TSNAXIP1: variants seen among roughly 807,000 people sequenced by gnomAD.
TSNAXIP1 encodes translin-associated factor X-interacting protein 1.
Under a neutral mutation model 84.8 loss-of-function variants are expected in TSNAXIP1, and 89 were observed. That is an observed-to-expected ratio of 1.05 (90% CI 0.88 to 1.25). The LOEUF is 1.25. Ranked by LOEUF, TSNAXIP1 falls within the 50% of genes most tolerant of loss-of-function variation. TSNAXIP1 has a pLI of 0.00. For synonymous variants in TSNAXIP1, 347 were observed against 335.2 expected, an observed-to-expected ratio of 1.04 and a Z score of -0.39; for missense variants, 874 against 887.6, an observed-to-expected ratio of 0.98 and a Z score of 0.20.
At chr16:67,807,722 A>C (rs2055592540) in intron 1 of TSNAXIP1, 9 of 202,818 alleles carry the variant, frequency 4.4e-5, no homozygotes, top group South Asian at 2.4e-4. Context: ...GACTCAAGCG[A>C]CCCTCCCACT....
Position 67,826,502 on chromosome 16 carries a change from C to G in TSNAXIP1, c.1341C>G (p.Ser447Arg). 2 of 1,614,122 alleles carry G rather than the reference C, an allele frequency of 1.2e-6. No homozygotes were observed. The highest frequency in any genetic ancestry group is 1.7e-6 in the Non-Finnish European group (2 of 1,180,022). ...FDGLVENKKP[S>R]KKDVVNLLKD... ...GCCTCGTGGAGAACAAGAAGCCAAG[C>G]AAGAAGGACGTGGTCAACCTCCTCA... The change falls in exon 11 of 16, where the codon AGC becomes AGG. Residue 447 changes from serine (S) to arginine (R), a missense_variant. By Grantham distance (110) the Ser-to-Arg change is moderately radical. Transcript: ENST00000561639.
In TSNAXIP1 at chr16:67,807,110, C is replaced by G. The variant is rs1412681142; in HGVS notation, c.-40C>G. The G allele has an allele frequency of 2.0e-6, 3 of 1,532,788 alleles. No homozygotes were observed. The Admixed American group carries it at 5.9e-5, about 30-fold the overall frequency. 94.9% of individuals were successfully genotyped at this position (1,532,788 alleles called of 1,614,324 possible). On this transcript the variant is annotated 5_prime_UTR_variant, in exon 1 of 16. Coordinates refer to ENST00000561639, the MANE Select transcript of TSNAXIP1 (RefSeq NM_001288990.3). The stretch of plus-strand genomic sequence containing the variant: ...GACCGGCTGTACGCTACCACAGCTT[C>G]CCAGGCCGCGGGTGCTGATTGCCCG...
Position 67,807,067 on chromosome 16 carries a change from G to A in TSNAXIP1, c.-83G>A. 1.3e-6 allele frequency: 2 copies of A among 1,509,120 alleles called. No homozygotes were observed. The highest frequency in any genetic ancestry group is 1.8e-6 in the Non-Finnish European group (2 of 1,131,630). 93.5% of individuals were successfully genotyped at this position (1,509,120 alleles called of 1,614,324 possible). A position where few individuals can be genotyped will look rare whatever the true frequency, so the allele number is the denominator to read the frequency against. On this transcript the variant is annotated 5_prime_UTR_variant, in exon 1 of 16. Transcript: ENST00000561639. ...CGCCCCCGCCGCGGGGGGGCCTCTG[G>A]GGCCTGGTCGCCATGGCGACCGGCT...
rs542191404 is a variant in TSNAXIP1 at position 67,813,306 on chromosome 16, G to A, written c.48-996G>A. 2.1e-3 allele frequency among the ~76,000 whole-genome samples: 313 copies of A among 152,020 alleles called. 1 individual carries two copies. Among genetic ancestry groups the A allele is most frequent in the Non-Finnish European group, 3.3e-3 (222 of 67,978 alleles). On this transcript the variant is annotated intron_variant, in intron 1 of 15. Transcript: ENST00000561639. ...GGAAGCTGAGGAAGGAGAATTGCTT[G>A]AACCCAGGAGGTGAAGGTTGCAGTG...
intron 6 of TSNAXIP1, 50 bp from the exon 7 acceptor site, chr16:67,825,087 A>C: frequency 6.2e-7 from 1 of 1,600,608 alleles, no homozygotes; most frequent in Non-Finnish European, 8.5e-7. Flanking sequence ...GACCAGCTGC[A>C]TACAGGGGTC....
intron 1 of TSNAXIP1, among the ~76,000 whole-genome samples, chr16:67,810,151 C>A (rs1358235958): frequency 6.6e-6 from 1 of 152,062 alleles, no homozygotes; most frequent in Non-Finnish European, 1.5e-5. Flanking sequence ...GTCATCAGGA[C>A]CCTCTGCAAG....
rs1598127478 is a variant in TSNAXIP1 at position 67,827,699 on chromosome 16, C to T, written c.1899-54C>T. The T allele has an allele frequency of 3.1e-6, 5 of 1,611,360 alleles. No homozygotes were observed. In the East Asian group the frequency reaches 8.9e-5, roughly 29 times the overall value. ...AGCACAGAGGAGGGCACCTGGGAGT[C>T]TGGGGCACGGAGAGGAGGGGTCAGG... is the stretch of plus-strand genomic sequence containing the variant. On this transcript the variant is annotated intron_variant, in intron 15 of 15. Coordinates refer to ENST00000561639, the MANE Select transcript of TSNAXIP1 (RefSeq NM_001288990.3).
At position 67,826,546 on chromosome 16, in the gene TSNAXIP1, G is replaced by A. The variant is rs1253716575; in HGVS notation, c.1385G>A (p.Arg462His). ...VNLLKDAWKE[R>H]LAEEQKETFP... Reference sequence around the variant, plus strand: ...CTCCTCAAGGATGCCTGGAAGGAACGTCTTGCTGAGGAGCAGGTCAGATCT... The same window carrying A: ...CTCCTCAAGGATGCCTGGAAGGAACATCTTGCTGAGGAGCAGGTCAGATCT... Residue 462 changes from arginine (R) to histidine (H), a missense_variant, in exon 11 of 16, where the codon CGT (arginine) becomes CAT (histidine). By Grantham distance (29) the Arg-to-His change is conservative. Coordinates refer to ENST00000561639, the MANE Select transcript of TSNAXIP1 (RefSeq NM_001288990.3). The A allele has an allele frequency of 3.7e-6, 6 of 1,614,064 alleles. No homozygotes were observed. The highest frequency in any genetic ancestry group is 2.2e-5 in the East Asian group (1 of 44,902).
Position 67,821,578 on chromosome 16 carries a change from A to C in TSNAXIP1, c.387+353A>C, listed in dbSNP as rs74861915. Among the ~76,000 whole-genome samples the C allele has an allele frequency of 6.4e-3, 972 of 152,146 alleles. 9 individuals are homozygous for C. Among genetic ancestry groups the C allele is most frequent in the Admixed American group, 0.01 (160 of 15,294 alleles). On this transcript the variant is annotated intron_variant, in intron 4 of 15. Transcript: ENST00000561639. Reference sequence around the variant, plus strand: ...GGCGACAAGAGTGAGACTCCGTCTCAAAAACAAAAAAAAGCCTCACCTACA... The same window carrying C: ...GGCGACAAGAGTGAGACTCCGTCTCCAAAACAAAAAAAAGCCTCACCTACA...
intron 1 of TSNAXIP1, among the ~76,000 whole-genome samples, chr16:67,811,197 C>CAGCCT (rs2056044639): frequency 6.6e-6 from 1 of 151,824 alleles, no homozygotes; most frequent in Non-Finnish European, 1.5e-5. Context: ...CCATCACGCC[C>CAGCCT]AAGCCCAAGC....
rs1422379539 is a variant in TSNAXIP1, at chr16:67,818,836, T to C, written c.148-2003T>C. Among the ~76,000 whole-genome samples the C allele has an allele frequency of 2.6e-5, 4 of 151,842 alleles. No individual in the cohort carries two copies. The East Asian group carries it at 5.8e-4, about 22-fold the overall frequency. On this transcript the variant is annotated intron_variant, in intron 2 of 15. Coordinates refer to ENST00000561639, the MANE Select transcript of TSNAXIP1 (RefSeq NM_001288990.3). ...CTTCTGCCTCGGCCTCCGAAATAGC[T>C]GGGATTACAGGCGTGCACTACCAGG...
In TSNAXIP1 at chr16:67,827,553, G is replaced by A. The variant is rs753458026; in HGVS notation, c.1872G>A (p.Gln624=). ...ATGAGAAGGACGAGTACTTACAGCAGCTAAAGCAGGAGCTTGGCATAGAAC... is the reference window on the plus strand; with the variant it reads ...ATGAGAAGGACGAGTACTTACAGCAACTAAAGCAGGAGCTTGGCATAGAAC... ...YMDEKDEYLQ[Q]LKQELGIELH... is the part of the protein sequence containing the mutation. Residue 624 remains glutamine, a synonymous_variant, in exon 15 of 16, where the codon CAG becomes CAA. Transcript: ENST00000561639. 9 of 1,613,842 alleles carry A rather than the reference G, an allele frequency of 5.6e-6. No homozygotes were observed. The highest frequency in any genetic ancestry group is 7.6e-6 in the Non-Finnish European group (9 of 1,179,688).
intron 2 of TSNAXIP1, among the ~76,000 whole-genome samples, chr16:67,817,054 C>T (rs1187806006): frequency 1.3e-5 from 2 of 151,970 alleles, no homozygotes; most frequent in African/African-American, 2.4e-5. Context: ...CAACCTCCAC[C>T]TCCCAGGTTC....
intron 4 of TSNAXIP1, among the ~76,000 whole-genome samples, 171 bp downstream of exon 4, chr16:67,821,396 C>T (rs1388637189): frequency 6.6e-6 from 1 of 151,908 alleles, no homozygotes; most frequent in Non-Finnish European, 1.5e-5. Flanking sequence ...ATGGCGAAAC[C>T]CCGTCTCTAC....
In TSNAXIP1 at chr16:67,827,014, AAGG is replaced by A. The variant is rs780091414; in HGVS notation, c.1609_1611del (p.Glu537del). ...GAAGGAGACAGTAGCCCAGCTGCTGAAGGAGATGACAAATGCTGACAGTCAGAA... is the reference window on the plus strand; with the variant it reads ...GAAGGAGACAGTAGCCCAGCTGCTGAAGATGACAAATGCTGACAGTCAGAA... On this transcript the variant is annotated inframe_deletion, in exon 13 of 16. Coordinates refer to ENST00000561639, the MANE Select transcript of TSNAXIP1 (RefSeq NM_001288990.3). 11 of 1,614,070 alleles carry A rather than the reference AAGG, an allele frequency of 6.8e-6. No individual in the cohort carries two copies. Among genetic ancestry groups the A allele is most frequent in the African/African-American group, 6.7e-5 (5 of 74,922 alleles).
Position 67,826,230 on chromosome 16 carries a change from T to C in TSNAXIP1, c.1223T>C (p.Leu408Pro), listed in dbSNP as rs1440347349. ...KNSDQLVDVLLEEIGSGLLRE... is the reference protein window; with the variant it reads ...KNSDQLVDVLPEEIGSGLLRE... Reference sequence around the variant, plus strand: ...AGCGACCAGCTGGTGGACGTGCTCCTGGAAGAGATTGGTTCGGGGCTGCTG... The same window carrying C: ...AGCGACCAGCTGGTGGACGTGCTCCCGGAAGAGATTGGTTCGGGGCTGCTG... The change falls in exon 10 of 16, where the codon CTG (leucine) becomes CCG (proline). Residue 408 changes from leucine to proline, a missense_variant. Coordinates refer to ENST00000561639, the MANE Select transcript of TSNAXIP1 (RefSeq NM_001288990.3). 4 of 1,600,046 alleles carry C rather than the reference T, an allele frequency of 2.5e-6. No individual in the cohort carries two copies. The highest frequency in any genetic ancestry group is 2.6e-6 in the Non-Finnish European group (3 of 1,171,992).
intron 1 of TSNAXIP1, among the ~76,000 whole-genome samples, chr16:67,810,814 G>A (rs1253332393): frequency 2.7e-5 from 4 of 147,476 alleles, no homozygotes; most frequent in East Asian, 2.1e-4. Context: ...ATCTCAGCTC[G>A]CTGCAACCTC....
chr16:67,806,936 G>T lies in TSNAXIP1; in HGVS notation c.-214G>T. ...ACCTGGGGTCAAATCGGCTGTAGTG[G>T]TTGACTCTCAGGGCACCCGCTGCCG... On this transcript the variant is annotated 5_prime_UTR_variant, in exon 1 of 16. Coordinates refer to ENST00000561639, the MANE Select transcript of TSNAXIP1 (RefSeq NM_001288990.3). 1.4e-6 allele frequency: 1 copy of T among 699,726 alleles called. No homozygotes were observed. Among genetic ancestry groups the T allele is most frequent in the East Asian group, 2.7e-5 (1 of 36,436 alleles). 43.3% of individuals were successfully genotyped at this position (699,726 alleles called of 1,614,324 possible).
rs2151173586 is a variant in TSNAXIP1 at position 67,807,066 on chromosome 16, G to A, written c.-84G>A. 5 of 1,508,822 alleles carry A rather than the reference G, an allele frequency of 3.3e-6. No homozygotes were observed. The South Asian group carries it at 6.1e-5, about 18-fold the overall frequency. 93.5% of individuals were successfully genotyped at this position (1,508,822 alleles called of 1,614,324 possible). ...CCGCCCCCGCCGCGGGGGGGCCTCTGGGGCCTGGTCGCCATGGCGACCGGC... is the reference window on the plus strand; with the variant it reads ...CCGCCCCCGCCGCGGGGGGGCCTCTAGGGCCTGGTCGCCATGGCGACCGGC... On this transcript the variant is annotated 5_prime_UTR_variant, in exon 1 of 16. Coordinates refer to ENST00000561639, the MANE Select transcript of TSNAXIP1 (RefSeq NM_001288990.3).
Sources: allele counts gnomAD v4.1 joint callset (sites outside exome capture counted in the v4.1 genomes callset), GRCh38; gene constraint gnomAD v4.1.1; transcripts MANE v1.5; gene names NCBI Gene and HGNC (gene_info 2026-07-23, HGNC 2026-07-21).